NLGN4X: variants seen among roughly 807,000 people sequenced by gnomAD.
The protein encoded by NLGN4X is neuroligin 4 X-linked.
Under a neutral mutation model 40.3 loss-of-function variants are expected in NLGN4X, and 3 were observed. The observed-to-expected ratio is 0.07, with a 90% CI of 0.03 to 0.19. The LOEUF is 0.19. NLGN4X is among the 10% of genes least tolerant of loss of function. The probability of loss-of-function intolerance (pLI) is 1.00; values close to 1 mark genes in which losing one functional copy is unlikely to be tolerated. For synonymous variants in NLGN4X, 270 were observed against 306.8 expected (o/e 0.88, Z 1.25); for missense variants, 382 against 708.3 (o/e 0.54, Z 5.23).
chrX:5,951,522 GC>G (rs1365099637), intron 3 of NLGN4X, among the ~76,000 whole-genome samples: 5 of 110,501 alleles, frequency 4.5e-5, no homozygotes, highest in Non-Finnish European at 9.4e-5. Context: ...TTCCCAACAT[GC>G]CCTATCTTAC....
intron 3 of NLGN4X, among the ~76,000 whole-genome samples, chrX:6,020,636 G>A (rs900135802): frequency 2.7e-5 from 3 of 111,947 alleles, no homozygotes; most frequent in African/African-American, 9.7e-5. Context: ...TTGAAGTAAT[G>A]CACTTGTGAA....
chrX:6,156,841 A>C (rs2040277960), intron 1 of NLGN4X, among the ~76,000 whole-genome samples: 1 of 110,544 alleles, frequency 9.0e-6, no homozygotes. Context: ...CTGCAGATAT[A>C]TCCCATGAAT....
intron 2 of NLGN4X, among the ~76,000 whole-genome samples, chrX:6,137,293 C>G (rs1264550064): frequency 8.9e-6 from 1 of 111,800 alleles, no homozygotes; most frequent in Non-Finnish European, 1.9e-5. Flanking sequence ...TCTCTTCTTA[C>G]AAGAACACCA....
intron 1 of NLGN4X, among the ~76,000 whole-genome samples, chrX:6,201,700 G>A (rs1923629629): frequency 9.0e-6 from 1 of 111,278 alleles, no homozygotes; most frequent in South Asian, 3.8e-4. Context: ...GGAATTGAGA[G>A]GAGAAGATGC....
At chrX:6,063,773 G>T (rs190990020) in intron 2 of NLGN4X, among the ~76,000 whole-genome samples, 16 of 112,199 alleles carry the variant, frequency 1.4e-4, no homozygotes, top group African/African-American at 5.2e-4. Context: ...TAAATGATTT[G>T]AAGAGTCAAA....
intron 2 of NLGN4X, among the ~76,000 whole-genome samples, chrX:6,046,092 G>A (rs374715096): frequency 2.7e-5 from 3 of 111,391 alleles, no homozygotes; most frequent in East Asian, 2.8e-4. Context: ...AAATGTTCTA[G>A]CAATAACTCT....
intron 1 of NLGN4X, among the ~76,000 whole-genome samples, chrX:6,213,001 C>T (rs1342428132): frequency 1.8e-5 from 2 of 111,439 alleles, no homozygotes; most frequent in African/African-American, 6.5e-5. Context: ...TTCCACCATC[C>T]GGAAAGTGGA....
At chrX:5,935,812 A>C (rs1341376713) in intron 3 of NLGN4X, among the ~76,000 whole-genome samples, 1 of 112,246 alleles carries the variant, frequency 8.9e-6, no homozygotes, top group African/African-American at 3.2e-5. Flanking sequence ...CTATTCAATG[A>C]AAAGGGAAAT....
chrX:6,064,852 G>A (rs1483230646), intron 2 of NLGN4X, among the ~76,000 whole-genome samples: 1 of 111,233 alleles, frequency 9.0e-6, no homozygotes, highest in African/African-American at 3.3e-5. Flanking sequence ...GCAAAGACAT[G>A]GAATCCACCT....
chrX:6,066,285 C>T (rs763212416), intron 2 of NLGN4X, among the ~76,000 whole-genome samples: 36 of 112,181 alleles, frequency 3.2e-4, no homozygotes, highest in Non-Finnish European at 6.0e-4. Context: ...TCTCAATCTT[C>T]CATGTTAGCA....
At chrX:6,197,692 T>C (rs1923237887) in intron 1 of NLGN4X, among the ~76,000 whole-genome samples, 1 of 111,531 alleles carries the variant, frequency 9.0e-6, no homozygotes, top group Admixed American at 9.6e-5. Flanking sequence ...TAAAAGTATC[T>C]TTTAAAAACA....
chrX:6,130,914 C>A (rs1190131960), intron 2 of NLGN4X, among the ~76,000 whole-genome samples: 1 of 111,847 alleles, frequency 8.9e-6, no homozygotes, highest in Non-Finnish European at 1.9e-5. Flanking sequence ...ATAAAAAAAA[C>A]CAAAACATTT....
At chrX:5,971,618 C>T (rs1017726665) in intron 3 of NLGN4X, among the ~76,000 whole-genome samples, 1 of 111,629 alleles carries the variant, frequency 9.0e-6, no homozygotes, top group African/African-American at 3.3e-5. Flanking sequence ...TTATCAGTAA[C>T]AATTTCCTCA....
chrX:6,051,559 C>T lies in NLGN4X; in HGVS notation c.473-22127G>A, dbSNP rs771096854. On this transcript the variant is annotated intron_variant, in intron 2 of 5. Coordinates refer to ENST00000381095, the MANE Select transcript of NLGN4X (RefSeq NM_181332.3). ...CTTCCAAGAAAAGCCAAAAGTTAAC[C>T]GGCAGCCCCCCAGAAAGTAGGAGAG... Among the ~76,000 whole-genome samples, 8 of 110,613 alleles carry T rather than the reference C, an allele frequency of 7.2e-5. No homozygotes were observed. In the East Asian group the frequency reaches 1.7e-3, roughly 24 times the overall value.
At chrX:6,093,891 A>C (rs767391927) in intron 2 of NLGN4X, among the ~76,000 whole-genome samples, 2 of 111,822 alleles carry the variant, frequency 1.8e-5, no homozygotes, top group South Asian at 7.4e-4. Context: ...TTCTTTAAAA[A>C]ACCCCAAATC....
intron 1 of NLGN4X, among the ~76,000 whole-genome samples, chrX:6,173,194 C>T (rs778602921): frequency 2.7e-5 from 3 of 112,445 alleles, no homozygotes; most frequent in Non-Finnish European, 3.8e-5. Flanking sequence ...AGCCACACAG[C>T]GTAGAAACCT....
chrX:5,895,112 C>T (rs969690193), intron 5 of NLGN4X, among the ~76,000 whole-genome samples: 5 of 112,535 alleles, frequency 4.4e-5, no homozygotes, highest in African/African-American at 1.6e-4. Flanking sequence ...GCCAGAGGCG[C>T]CACACTTGCT....
chrX:6,006,149 T>C (rs1166890734), intron 3 of NLGN4X, among the ~76,000 whole-genome samples: 2 of 111,109 alleles, frequency 1.8e-5, no homozygotes, highest in Non-Finnish European at 3.8e-5. Context: ...GCCAACAGTT[T>C]TGACCAAATC....
intron 3 of NLGN4X, among the ~76,000 whole-genome samples, chrX:5,979,719 TATATATGTGTGTATATATACACACATAC>T (rs1322005728): frequency 0.025 from 2,062 of 83,776 alleles, 119 homozygotes; most frequent in African/African-American, 0.075. Flanking sequence ...TTTTAGAATA[TATATATGTGTGTATATATACACACATAC>T]ATATATATGT....
Sources: allele counts gnomAD v4.1 joint callset (sites outside exome capture counted in the v4.1 genomes callset), GRCh38; gene constraint gnomAD v4.1.1; transcripts MANE v1.5; gene names NCBI Gene and HGNC (gene_info 2026-07-23, HGNC 2026-07-21).